USP6: variants seen among roughly 807,000 people sequenced by gnomAD.
USP6 encodes ubiquitin carboxyl-terminal hydrolase 6.
A neutral mutation model predicts 175.7 loss-of-function variants in USP6; 128 were observed. The observed-to-expected ratio is 0.73, with a 90% confidence interval of 0.63 to 0.84. The LOEUF is 0.84. Among genes scored for constraint, USP6 ranks in the 40% least tolerant of loss-of-function variants. The pLI is 0.00. For missense variants in USP6, 1,498 were observed against 1,760.3 expected (o/e 0.85, Z 2.67); for synonymous variants, 562 against 630.6 (o/e 0.89, Z 1.63).
In USP6 at chr17:5,170,855, C is replaced by T. The variant is rs1460179678; in HGVS notation, c.3894C>T (p.Ser1298=). ...TTGGAAACCACAGTGAAGAAGACAG[C>T]ACTGATGACCAAAGAGAAGACACTC... ...GQLGNHSEED[S]TDDQREDTHI... The change falls in exon 36 of 38, where the codon AGC becomes AGT. Residue 1298 remains serine, a synonymous_variant. Coordinates refer to ENST00000574788, the MANE Select transcript of USP6 (RefSeq NM_001304284.2). 1 of 1,612,690 alleles carries T rather than the reference C, an allele frequency of 6.2e-7. No homozygotes were observed. Among genetic ancestry groups the T allele is most frequent in the Admixed American group, 1.7e-5 (1 of 59,992 alleles).
intron 31 of USP6, among the ~76,000 whole-genome samples, chr17:5,161,311 C>T (rs2073999054): frequency 6.6e-6 from 1 of 152,250 alleles, no homozygotes; most frequent in South Asian, 2.1e-4. Context: ...GGCAGTCTGT[C>T]TACCCTTCTG....
chr17:5,141,083 A>G (rs752523959), intron 22 of USP6, among the ~76,000 whole-genome samples: 3 of 152,126 alleles, frequency 2.0e-5, no homozygotes, highest in Non-Finnish European at 4.4e-5. Flanking sequence ...ATGTTCTAAC[A>G]TGTTTAGGTA....
intron 35 of USP6, 126 bp from the exon 36 acceptor site, chr17:5,170,353 A>G (rs2074186230): frequency 2.9e-6 from 4 of 1,385,420 alleles, no homozygotes; most frequent in Non-Finnish European, 3.9e-6. Flanking sequence ...AAGGGTAGCC[A>G]GTCATGACTC....
At chr17:5,163,238 T>C (rs185173765) in intron 33 of USP6, among the ~76,000 whole-genome samples, 112 of 152,260 alleles carry the variant, frequency 7.4e-4, no homozygotes, top group Non-Finnish European at 1.3e-3. Context: ...TATAACAGAG[T>C]ACGTGAGGCT....
intron 25 of USP6, among the ~76,000 whole-genome samples, chr17:5,143,218 G>T (rs987139312): frequency 1.3e-5 from 2 of 152,100 alleles, no homozygotes; most frequent in African/African-American, 4.8e-5. Flanking sequence ...GAAGTGAGGA[G>T]CCCCTCTGCC....
intron 4 of USP6, among the ~76,000 whole-genome samples, chr17:5,123,365 C>G (rs2072768423): frequency 6.6e-6 from 1 of 151,600 alleles, no homozygotes; most frequent in South Asian, 2.1e-4. Context: ...GACCCCGGCC[C>G]GGGGGCGGCT....
At chr17:5,144,652 G>A (rs1451469909) in intron 25 of USP6, 38 bp from the exon 26 acceptor site, 2 of 1,604,866 alleles carry the variant, frequency 1.2e-6, no homozygotes, top group East Asian at 4.5e-5. Flanking sequence ...AATTTTATGG[G>A]TAGGAAATAA....
Position 5,142,223 on chromosome 17 carries a change from C to G in USP6, c.1712+82C>G, listed in dbSNP as rs1295017820. The G allele has an allele frequency of 1.9e-6, 3 of 1,550,660 alleles. No homozygotes were observed. In the African/African-American group the frequency reaches 4.1e-5, roughly 21 times the overall value. ...TCACCTAAATTTCCTCTTTTTTCAC[C>G]CTGCGGGAGAAAGATTTTATCTTAT... On this transcript the variant is annotated intron_variant, in intron 24 of 37. Transcript: ENST00000574788.
intron 21 of USP6, chr17:5,138,869 C>T: frequency 2.8e-6 from 2 of 714,236 alleles, no homozygotes; most frequent in Admixed American, 5.1e-5. Context: ...CGTCCGGGCC[C>T]AGTCACCCAC....
intron 16 of USP6, 82 bp from the exon 17 acceptor site, chr17:5,135,726 C>T (rs767009955): frequency 2.2e-4 from 347 of 1,596,400 alleles, no homozygotes; most frequent in Non-Finnish European, 2.6e-4. Flanking sequence ...GTCACCTCTG[C>T]CCTCTCCAAT....
At chr17:5,116,914 A>G (rs542102931) in intron 1 of USP6, among the ~76,000 whole-genome samples, 174 bp downstream of exon 1, 25 of 152,340 alleles carry the variant, frequency 1.6e-4, no homozygotes, top group African/African-American at 6.0e-4. Flanking sequence ...GGAGGGAGCA[A>G]TCTTCACAGA....
chr17:5,149,686 T>A (rs1332597717), intron 30 of USP6, among the ~76,000 whole-genome samples: 3 of 152,052 alleles, frequency 2.0e-5, no homozygotes, highest in Non-Finnish European at 2.9e-5. Context: ...AGTTTTTTGT[T>A]TTGGGTTTTG....
chr17:5,148,900 T>C (rs1458704982), intron 30 of USP6, 133 bp downstream of exon 30: 14 of 1,416,168 alleles, frequency 9.9e-6, no homozygotes, highest in Non-Finnish European at 1.2e-5. Context: ...TTTAATACTT[T>C]TACAAATTTT....
intron 20 of USP6, 28 bp from the exon 21 acceptor site, chr17:5,138,093 C>G (rs1445389272): frequency 9.3e-6 from 15 of 1,613,794 alleles, no homozygotes; most frequent in African/African-American, 2.7e-5. Context: ...AGGGAACTCT[C>G]CTGGCCTGAT....
intron 33 of USP6, among the ~76,000 whole-genome samples, chr17:5,164,568 C>T (rs1278700128): frequency 1.3e-5 from 2 of 152,234 alleles, no homozygotes; most frequent in Non-Finnish European, 2.9e-5. Flanking sequence ...AGTGTGCAAT[C>T]GGAAAAGCTC....
intron 16 of USP6, 89 bp downstream of exon 16, chr17:5,135,371 A>G (rs1303428222): frequency 6.5e-7 from 1 of 1,527,778 alleles, no homozygotes; most frequent in Non-Finnish European, 9.0e-7. Flanking sequence ...CTTCTTTTAA[A>G]GTTGGTATTT....
intron 7 of USP6, among the ~76,000 whole-genome samples, chr17:5,128,097 G>A (rs1009338000): frequency 2.0e-5 from 3 of 152,188 alleles, no homozygotes; most frequent in Non-Finnish European, 2.9e-5. Context: ...TTGAGACTCC[G>A]TTTGGATGGC....
rs547674660 is a variant in USP6, at chr17:5,156,675, T to C, written c.2828+1069T>C. On this transcript the variant is annotated intron_variant, in intron 31 of 37. Transcript: ENST00000574788. ...TTTATGGTAACTAAAAAAAGTTCTTTACTTATTTGTTATGATGTGGGGTCT... is the reference window on the plus strand; with the variant it reads ...TTTATGGTAACTAAAAAAAGTTCTTCACTTATTTGTTATGATGTGGGGTCT... 2.3e-4 allele frequency among the ~76,000 whole-genome samples: 35 copies of C among 152,284 alleles called. 1 individual carries two copies. The highest frequency in any genetic ancestry group is 8.2e-4 in the African/African-American group (34 of 41,548).
At chr17:5,142,307 A>G in intron 24 of USP6, 90 bp from the exon 25 acceptor site, 1 of 1,546,220 alleles carries the variant, frequency 6.5e-7, no homozygotes, top group East Asian at 2.3e-5. Flanking sequence ...AAAAGAAAAG[A>G]TATTTTGATG....
Sources: gnomAD v4.1 joint callset for allele counts (sites outside exome capture counted in the v4.1 genomes callset) on GRCh38, gnomAD v4.1.1 for gene constraint, MANE v1.5 for transcripts, NCBI Gene and HGNC (gene_info 2026-07-23, HGNC 2026-07-21) for gene names.